CACNG7: variants seen among roughly 807,000 people sequenced by gnomAD.
CACNG7 encodes voltage-dependent calcium channel gamma-7 subunit.
In CACNG7, 9 loss-of-function variants were observed where a neutral mutation model predicts 26.3. The ratio of observed to expected loss-of-function variants is 0.34; its 90% CI spans 0.21 to 0.60. CACNG7 has a LOEUF of 0.60. CACNG7 is among the 20% of genes least tolerant of loss of function. The pLI is 0.81. For missense variants in CACNG7, 297 were observed against 380.4 expected (o/e 0.78, Z 1.82); for synonymous variants, 170 against 157.0 (o/e 1.08, Z -0.62).
intron 4 of CACNG7, among the ~76,000 whole-genome samples, chr19:53,935,634 C>CTTTTTTTTTTTTTTTTTTTTTTT (rs59884893): frequency 2.4e-5 from 1 of 42,254 alleles, no homozygotes; most frequent in Admixed American, 4.6e-4. Flanking sequence ...CCAATACTGT[C>CTTTTTTTTTTTTTTTTTTTTTTT]TTTTTTTTTT....
In CACNG7 at chr19:53,912,042, G is replaced by T. The variant is rs1416504982; in HGVS notation, c.-29-761G>T. On this transcript the variant is annotated intron_variant, in intron 1 of 5. Transcript: ENST00000391767. This position sits in a 1 kb window ranked among gnomAD's most constrained non-coding sequence, Gnocchi z 4.6. ...GATGTAGTTCAGAGACAGGGTGCAA[G>T]AAAATGTATCAGGGCATCAGATTAG... 1.3e-5 allele frequency among the ~76,000 whole-genome samples: 2 copies of T among 152,216 alleles called. No individual in the cohort carries two copies. Among genetic ancestry groups the T allele is most frequent in the Non-Finnish European group, 2.9e-5 (2 of 68,046 alleles).
rs905323684 is a variant in CACNG7 at position 53,943,838 on chromosome 19, A to C, written c.*1545A>C. 2 of 152,072 alleles carry C rather than the reference A, an allele frequency of 1.3e-5. No homozygotes were observed. Among genetic ancestry groups the C allele is most frequent in the African/African-American group, 2.4e-5 (1 of 41,424 alleles). 9.4% of individuals were successfully genotyped at this position (152,072 alleles called of 1,614,324 possible). A position where few individuals can be genotyped will look rare whatever the true frequency, so the allele number is the denominator to read the frequency against. On this transcript the variant is annotated 3_prime_UTR_variant, in exon 6 of 6. Coordinates refer to ENST00000391767, the MANE Select transcript of CACNG7 (RefSeq NM_031896.5). ...TAGATGGGTCGTTGTTAAATGACTT[A>C]ATCATCATCATTATCAACGGCAGCG...
In CACNG7 at chr19:53,925,152, ACTTGCCC is replaced by A. The variant is rs1301593282; in HGVS notation, c.424+9649_424+9655del. Among the ~76,000 whole-genome samples, 537 of 91,820 alleles carry A rather than the reference ACTTGCCC, an allele frequency of 5.8e-3. 49 individuals carry two copies. The highest frequency in any genetic ancestry group is 0.028 in the African/African-American group (488 of 17,252). The allele number at this position is 91,820 out of a possible 152,430, so 60.2% of individuals were successfully genotyped here. A position where few individuals can be genotyped will look rare whatever the true frequency, so the allele number is the denominator to read the frequency against. ...CTTGCCTAGGGCTGGTCATTGGTGG[ACTTGCCC>A]CAGGTCTGGTCATTGGTGAAGTTGC... On this transcript the variant is annotated intron_variant, in intron 4 of 5. Transcript: ENST00000391767.
intron 4 of CACNG7, among the ~76,000 whole-genome samples, chr19:53,930,559 G>C (rs2069064956): frequency 6.6e-6 from 1 of 152,132 alleles, no homozygotes; most frequent in Non-Finnish European, 1.5e-5. Flanking sequence ...ATTTTTAGTA[G>C]AGACGGGGTT....
At position 53,940,236 on chromosome 19, in the gene CACNG7, C is replaced by T. The variant is rs562977870; in HGVS notation, c.425-1234C>T. On this transcript the variant is annotated intron_variant, in intron 4 of 5. Transcript: ENST00000391767. This position sits in a 1 kb window ranked among gnomAD's most constrained non-coding sequence, Gnocchi z 4.1. ...ATTGGACCTCTCCTCTGCACACTGT[C>T]CGTATGCTCTATTTCCTCAATTGTA... is the stretch of plus-strand genomic sequence containing the variant. Among the ~76,000 whole-genome samples the T allele has an allele frequency of 3.3e-5, 5 of 152,288 alleles. No homozygotes were observed. Among genetic ancestry groups the T allele is most frequent in the African/African-American group, 1.2e-4 (5 of 41,562 alleles).
Position 53,914,482 on chromosome 19 carries a change from T to G in CACNG7, c.197-18T>G. 3.7e-6 allele frequency: 6 copies of G among 1,611,546 alleles called. No homozygotes were observed. The highest frequency in any genetic ancestry group is 3.4e-6 in the Non-Finnish European group (4 of 1,177,822). On this transcript the variant is annotated intron_variant, in intron 2 of 5. Coordinates refer to ENST00000391767, the MANE Select transcript of CACNG7 (RefSeq NM_031896.5). ...TAGGAGCCTCTCATCCAGCCCTGTC[T>G]GTTTCTCTTCCCCCCAGGTCGGGAG... is the stretch of plus-strand genomic sequence containing the variant.
chr19:53,921,652 G>C (rs1300063908), intron 4 of CACNG7, among the ~76,000 whole-genome samples: 12 of 89,120 alleles, frequency 1.3e-4, no homozygotes, highest in Non-Finnish European at 2.1e-4. Flanking sequence ...TCTGGTCATT[G>C]GTGGACTTGC....
chr19:53,913,035 C>T lies in CACNG7; in HGVS notation c.196+8C>T, dbSNP rs755892213. On this transcript the variant is annotated splice_region_variant and intron_variant, in intron 2 of 5. Coordinates refer to ENST00000391767, the MANE Select transcript of CACNG7 (RefSeq NM_031896.5). ...GAGTCTGCTTCTTTGCAGGTACAGC[C>T]CTCACCCGTCTTCCACTCAACAGTT... 2.5e-6 allele frequency: 4 copies of T among 1,603,752 alleles called. No homozygotes were observed. The highest frequency in any genetic ancestry group is 2.2e-5 in the East Asian group (1 of 44,588).
At chr19:53,916,359 TTGCATAGAGAGTTGCCCATAAGTACC>T in intron 4 of CACNG7, among the ~76,000 whole-genome samples, 1 of 69,872 alleles carries the variant, frequency 1.4e-5, no homozygotes, top group East Asian at 2.9e-4. Context: ...AGGCCCAGAA[TTGCATAGAGAGTTGCCCATAAGTACC>T]AAGGCCCAGA....
chr19:53,911,734 C>T (rs1007885274), intron 1 of CACNG7, among the ~76,000 whole-genome samples: 2 of 152,174 alleles, frequency 1.3e-5, no homozygotes, highest in African/African-American at 4.8e-5. Flanking sequence ...AGGCAGCTCG[C>T]GGTCAAACCC....
chr19:53,937,344 A>G (rs1244527494), intron 4 of CACNG7, among the ~76,000 whole-genome samples: 1 of 152,078 alleles, frequency 6.6e-6, no homozygotes, highest in Non-Finnish European at 1.5e-5. Flanking sequence ...GATGCTACTA[A>G]ATCCCCTTTC....
chr19:53,924,012 C>A (rs1253881698), intron 4 of CACNG7, among the ~76,000 whole-genome samples: 1 of 140,714 alleles, frequency 7.1e-6, no homozygotes, highest in African/African-American at 2.8e-5. Flanking sequence ...GAGTTGTCCC[C>A]AGGCCTGGTC....
At chr19:53,921,664 C>T (rs1179992280) in intron 4 of CACNG7, among the ~76,000 whole-genome samples, 2 of 113,000 alleles carry the variant, frequency 1.8e-5, no homozygotes, top group East Asian at 2.2e-4. Context: ...TGGACTTGCC[C>T]CAGGTCTGGT....
Position 53,942,386 on chromosome 19 carries a change from C to T in CACNG7, c.*93C>T. On this transcript the variant is annotated 3_prime_UTR_variant, in exon 6 of 6. Transcript: ENST00000391767. This position sits in a 1 kb window ranked among gnomAD's most constrained non-coding sequence, Gnocchi z 5.9. ...AGCGCCCCCTTCCGTCCTCGGGACTCCTCGCTCCCACCCGGAGGAGGCTGC... is the reference window on the plus strand; with the variant it reads ...AGCGCCCCCTTCCGTCCTCGGGACTTCTCGCTCCCACCCGGAGGAGGCTGC... 1 of 1,524,158 alleles carries T rather than the reference C, an allele frequency of 6.6e-7. No individual in the cohort carries two copies. Among genetic ancestry groups the T allele is most frequent in the Admixed American group, 1.9e-5 (1 of 52,584 alleles). 94.4% of individuals were successfully genotyped at this position (1,524,158 alleles called of 1,614,324 possible). A position where few individuals can be genotyped will look rare whatever the true frequency, so the allele number is the denominator to read the frequency against.
rs1265104713 is a variant in CACNG7 at position 53,915,435 on chromosome 19, C to A, written c.354C>A (p.Ser118Arg). ...TCGTGTTCACGGCCTTCGTCATCAG[C>A]AACATCGGCCACATCCGCCCGCAGA... is the stretch of plus-strand genomic sequence containing the variant. ...LFLVFTAFVI[S>R]NIGHIRPQRT... Residue 118 changes from serine to arginine, a missense_variant, in exon 4 of 6, where the codon AGC (serine) becomes AGA (arginine). Transcript: ENST00000391767. The A allele has an allele frequency of 1.9e-6, 3 of 1,614,136 alleles. No homozygotes were observed. Among genetic ancestry groups the A allele is most frequent in the Non-Finnish European group, 2.5e-6 (3 of 1,180,004 alleles).
intron 4 of CACNG7, among the ~76,000 whole-genome samples, chr19:53,928,069 GA>G (rs1297774892): frequency 7.8e-6 from 1 of 127,612 alleles, no homozygotes. Flanking sequence ...AGGAGGAAGG[GA>G]GGGGAGAAAA....
chr19:53,914,824 A>G lies in CACNG7; in HGVS notation c.283+238A>G, dbSNP rs527401851. On this transcript the variant is annotated intron_variant, in intron 3 of 5. Transcript: ENST00000391767. ...CGAAACCAGCCTGGCCAACATGGTGAAACCTTGTCTCTACTAAAAATTCAA... is the reference window on the plus strand; with the variant it reads ...CGAAACCAGCCTGGCCAACATGGTGGAACCTTGTCTCTACTAAAAATTCAA... Among the ~76,000 whole-genome samples, 19 of 152,152 alleles carry G rather than the reference A, an allele frequency of 1.2e-4. No homozygotes were observed. In the South Asian group the frequency reaches 3.9e-3, roughly 32 times the overall value.
At position 53,942,261 on chromosome 19, in the gene CACNG7, G is replaced by T. The variant is rs374568149; in HGVS notation, c.796G>T (p.Asp266Tyr). ...CTACCCTCCCGCCATCAAGTACCCG[G>T]ACCACCTGCACATCTCCACCTCGCC... ...QNYPPAIKYP[D>Y]HLHISTSPC Residue 266 changes from aspartate (D) to tyrosine (Y), a missense_variant, in exon 6 of 6, where the codon GAC (aspartate) becomes TAC (tyrosine). Asp to Tyr is a radical substitution (Grantham distance 160). Transcript: ENST00000391767. This position sits in a 1 kb window ranked among gnomAD's most constrained non-coding sequence, Gnocchi z 5.9. 1.9e-6 allele frequency: 3 copies of T among 1,613,248 alleles called. No homozygotes were observed. The highest frequency in any genetic ancestry group is 2.5e-6 in the Non-Finnish European group (3 of 1,179,788).
At position 53,922,295 on chromosome 19, in the gene CACNG7, TATTGGTGGAGTTGTCCCCAGGTCTGGTC is replaced by T. The variant is rs1568775295; in HGVS notation, c.424+6812_424+6839del. ...ATTGGTGCAGTTGCCCCAGGTCTGG[TATTGGTGGAGTTGTCCCCAGGTCTGGTC>T]ATTGGTGGAGTTGTCCCCAGGCCTG... On this transcript the variant is annotated intron_variant, in intron 4 of 5. Transcript: ENST00000391767. Among the ~76,000 whole-genome samples, 462 of 54,098 alleles carry T rather than the reference TATTGGTGGAGTTGTCCCCAGGTCTGGTC, an allele frequency of 8.5e-3. 32 individuals carry two copies. The highest frequency in any genetic ancestry group is 0.046 in the African/African-American group (406 of 8,822). The allele number at this position is 54,098 out of a possible 152,430, so 35.5% of individuals were successfully genotyped here. A position where few individuals can be genotyped will look rare whatever the true frequency, so the allele number is the denominator to read the frequency against.
Sources: gnomAD v4.1 joint callset for allele counts (sites outside exome capture counted in the v4.1 genomes callset) on GRCh38, gnomAD v4.1.1 for gene constraint, Gnocchi (gnomAD v3.1) non-coding constraint, MANE v1.5 for transcripts, NCBI Gene and HGNC (gene_info 2026-07-23, HGNC 2026-07-21) for gene names.